Variants in SMAP1 observed in about 807,000 individuals in gnomAD.
SMAP1 encodes the protein small ArfGAP 1, also known as stromal membrane-associated protein 1.
SMAP1 carries 24 observed loss-of-function variants against 58.5 expected under a neutral mutation model. The observed-to-expected ratio is 0.41, with a 90% CI of 0.30 to 0.58. The LOEUF (loss-of-function observed/expected upper bound fraction) is 0.58, where lower values mean the gene tolerates loss of function less well. Ranked by LOEUF, SMAP1 falls within the 20% of genes least tolerant of loss-of-function variation. The pLI is 0.29. For missense variants in SMAP1, 563 were observed against 566.3 expected, an observed-to-expected ratio of 0.99 and a Z score of 0.06; for synonymous variants, 216 against 196.6, an observed-to-expected ratio of 1.10 and a Z score of -0.82.
At chr6:70,854,666 G>A (rs1010353230) in intron 8 of SMAP1, among the ~76,000 whole-genome samples, 1 of 151,808 alleles carries the variant, frequency 6.6e-6, no homozygotes, top group Admixed American at 6.6e-5. Flanking sequence ...TAATGCCTTT[G>A]AAAATGGGGG....
At chr6:70,744,764 G>A (rs1378162993) in intron 2 of SMAP1, among the ~76,000 whole-genome samples, 1 of 152,216 alleles carries the variant, frequency 6.6e-6, no homozygotes, top group Non-Finnish European at 1.5e-5. Context: ...TTCCACAATG[G>A]TTGAACTAAT....
At chr6:70,774,008 A>C (rs140420027) in intron 4 of SMAP1, among the ~76,000 whole-genome samples, 1,645 of 152,266 alleles carry the variant, frequency 0.011, 36 homozygotes, top group African/African-American at 0.037. Context: ...ACTGTACTCT[A>C]TGTTTAGATA....
chr6:70,733,973 A>T (rs113372933), intron 2 of SMAP1, among the ~76,000 whole-genome samples: 3,845 of 151,772 alleles, frequency 0.025, 190 homozygotes, highest in African/African-American at 0.089. Context: ...TTTCTTTGGC[A>T]TAGGTTACAA....
chr6:70,770,016 T>C (rs1582148823), intron 3 of SMAP1, among the ~76,000 whole-genome samples: 1 of 151,826 alleles, frequency 6.6e-6, no homozygotes, highest in East Asian at 1.9e-4. Flanking sequence ...TTATGAAGCT[T>C]AGTTTGGCTG....
chr6:70,689,868 A>G (rs754370313), intron 1 of SMAP1, among the ~76,000 whole-genome samples: 9 of 152,176 alleles, frequency 5.9e-5, no homozygotes, highest in Non-Finnish European at 1.2e-4. Context: ...GATTATTACT[A>G]GTATATAGAA....
chr6:70,827,281 A>G (rs1770175871), intron 6 of SMAP1, among the ~76,000 whole-genome samples: 1 of 152,252 alleles, frequency 6.6e-6, no homozygotes, highest in African/African-American at 2.4e-5. Flanking sequence ...CAAATGACAG[A>G]ATAAATCCCT....
intron 4 of SMAP1, among the ~76,000 whole-genome samples, chr6:70,790,618 C>A (rs1402475709): frequency 6.6e-6 from 1 of 151,908 alleles, no homozygotes; most frequent in South Asian, 2.1e-4. Context: ...ACAGAGCCAA[C>A]AGTGAGTAAG....
chr6:70,762,588 TCTTC>T (rs1460870434), intron 3 of SMAP1, among the ~76,000 whole-genome samples: 1 of 152,196 alleles, frequency 6.6e-6, no homozygotes, highest in Non-Finnish European at 1.5e-5. Context: ...AAACTAGATT[TCTTC>T]CTTGGGTGAC....
At chr6:70,829,946 T>C (rs1412958114) in intron 6 of SMAP1, among the ~76,000 whole-genome samples, 2 of 152,174 alleles carry the variant, frequency 1.3e-5, no homozygotes, top group Non-Finnish European at 2.9e-5. Context: ...ACCTAAATAG[T>C]TTTTTATTCA....
chr6:70,710,878 CT>C (rs1194082170), intron 1 of SMAP1, among the ~76,000 whole-genome samples: 1 of 151,950 alleles, frequency 6.6e-6, no homozygotes. Flanking sequence ...ACTTTTTAAG[CT>C]TTTTTTGTTC....
chr6:70,840,576 C>T (rs111291468), intron 7 of SMAP1, among the ~76,000 whole-genome samples: 5 of 147,940 alleles, frequency 3.4e-5, no homozygotes, highest in African/African-American at 5.3e-5. Flanking sequence ...GCTTGTGTTC[C>T]GATCATGCTT....
chr6:70,670,578 A>T (rs1328328546), intron 1 of SMAP1, among the ~76,000 whole-genome samples: 1 of 152,184 alleles, frequency 6.6e-6, no homozygotes, highest in African/African-American at 2.4e-5. Flanking sequence ...CTTTTAAAAG[A>T]TATGTTAAAG....
intron 1 of SMAP1, among the ~76,000 whole-genome samples, chr6:70,727,150 C>A (rs1370382634): frequency 6.6e-6 from 1 of 152,032 alleles, no homozygotes; most frequent in Non-Finnish European, 1.5e-5. Flanking sequence ...CTCTGTCACC[C>A]AGGCTGGAGT....
At chr6:70,815,587 C>A (rs1053751223) in intron 6 of SMAP1, among the ~76,000 whole-genome samples, 1 of 152,084 alleles carries the variant, frequency 6.6e-6, no homozygotes, top group Non-Finnish European at 1.5e-5. Context: ...GGAGAGAAAC[C>A]TTCCATGTGG....
intron 1 of SMAP1, among the ~76,000 whole-genome samples, chr6:70,725,093 G>GATTTTTTTTTTTTTTTT (rs1768710050): frequency 8.4e-5 from 4 of 47,778 alleles, no homozygotes. Context: ...ATTAACCAGT[G>GATTTTTTTTTTTTTTTT]TTTTTTTTTT....
chr6:70,746,505 C>A (rs567788237), intron 2 of SMAP1, among the ~76,000 whole-genome samples: 2 of 152,320 alleles, frequency 1.3e-5, no homozygotes, highest in African/African-American at 4.8e-5. Context: ...ACCAGCCTTG[C>A]ATCCCAGGGT....
intron 10 of SMAP1, chr6:70,859,272 C>A: frequency 2.4e-6 from 3 of 1,273,258 alleles, no homozygotes; most frequent in Admixed American, 2.5e-5. Context: ...GCACACCCAG[C>A]TCAGGTTAAG....
At chr6:70,749,139 G>T (rs1483013522) in intron 2 of SMAP1, among the ~76,000 whole-genome samples, 1 of 152,206 alleles carries the variant, frequency 6.6e-6, no homozygotes, top group Non-Finnish European at 1.5e-5. Context: ...TATGGCGGAA[G>T]GCGAGGGGAA....
At chr6:70,745,047 G>A (rs1765971144) in intron 2 of SMAP1, among the ~76,000 whole-genome samples, 1 of 152,096 alleles carries the variant, frequency 6.6e-6, no homozygotes, top group East Asian at 1.9e-4. Context: ...AAATTTGTTT[G>A]AGTTCTTTGT....
Sources: gnomAD v4.1 joint callset for allele counts (sites outside exome capture counted in the v4.1 genomes callset) on GRCh38, gnomAD v4.1.1 for gene constraint, MANE v1.5 for transcripts, NCBI Gene and HGNC (gene_info 2026-07-23, HGNC 2026-07-21) for gene names.